The following KSR2 variants were observed in gnomAD, a reference collection of about 807,000 sequenced individuals.
The protein encoded by KSR2 is kinase suppressor of ras 2.
In KSR2, 25 loss-of-function variants were observed where a neutral mutation model predicts 107.8. The observed-to-expected ratio is 0.23, with a 90% CI of 0.17 to 0.32. KSR2 has a LOEUF of 0.32. KSR2 is among the 10% of genes least tolerant of loss of function. KSR2 has a pLI of 1.00. For missense variants in KSR2, 887 were observed against 1,268.9 expected, an observed-to-expected ratio of 0.70 and a Z score of 4.57; for synonymous variants, 480 against 507.0, an observed-to-expected ratio of 0.95 and a Z score of 0.71.
intron 14 of KSR2, among the ~76,000 whole-genome samples, chr12:117,500,660 A>G (rs781126479): frequency 6.6e-6 from 1 of 152,214 alleles, no homozygotes; most frequent in Non-Finnish European, 1.5e-5. Context: ...CAAGGGAATC[A>G]AAGTTTCCCA....
At chr12:117,670,437 GCC>G (rs1884858511) in intron 4 of KSR2, among the ~76,000 whole-genome samples, 1 of 152,200 alleles carries the variant, frequency 6.6e-6, no homozygotes, top group African/African-American at 2.4e-5. Flanking sequence ...GGTGGTGCCA[GCC>G]CTGAAACCAG....
intron 5 of KSR2, among the ~76,000 whole-genome samples, chr12:117,660,243 A>G (rs1317051703): frequency 6.6e-6 from 1 of 152,232 alleles, no homozygotes; most frequent in Admixed American, 6.5e-5. Flanking sequence ...ATAATAAAAT[A>G]CCAAAAACTG....
At chr12:117,966,623 G>GCACACACACA (rs71099095) in intron 1 of KSR2, among the ~76,000 whole-genome samples, 11 of 143,082 alleles carry the variant, frequency 7.7e-5, no homozygotes, top group African/African-American at 1.3e-4. Flanking sequence ...ACACGCGCAC[G>GCACACACACA]CACACACACA....
chr12:117,940,032 T>G (rs1895963786), intron 1 of KSR2, among the ~76,000 whole-genome samples: 1 of 151,606 alleles, frequency 6.6e-6, no homozygotes, highest in Non-Finnish European at 1.5e-5. Context: ...CAGATGGTAA[T>G]GAGGTACTGG....
intron 14 of KSR2, among the ~76,000 whole-genome samples, chr12:117,494,249 C>T (rs1290520873): frequency 1.1e-4 from 16 of 152,246 alleles, no homozygotes; most frequent in African/African-American, 3.6e-4. Flanking sequence ...TTGCCACAGT[C>T]CTCACCACTC....
intron 14 of KSR2, among the ~76,000 whole-genome samples, chr12:117,492,545 C>A (rs1322237796): frequency 6.6e-6 from 1 of 152,214 alleles, no homozygotes; most frequent in African/African-American, 2.4e-5. Flanking sequence ...GGGGCACAGG[C>A]TCTGCCTCTA....
intron 1 of KSR2, among the ~76,000 whole-genome samples, chr12:117,946,749 A>G (rs1371757343): frequency 6.6e-6 from 1 of 152,192 alleles, no homozygotes; most frequent in African/African-American, 2.4e-5. Flanking sequence ...TAAATCTAAC[A>G]GTATATTCAA....
chr12:117,816,114 C>T (rs562006657), intron 3 of KSR2, among the ~76,000 whole-genome samples: 14 of 151,080 alleles, frequency 9.3e-5, no homozygotes, highest in African/African-American at 3.4e-4. Flanking sequence ...TGATCTTGGG[C>T]AGGAGTTTGT....
intron 14 of KSR2, among the ~76,000 whole-genome samples, chr12:117,522,592 G>T (rs1438564441): frequency 6.6e-6 from 1 of 152,210 alleles, no homozygotes; most frequent in Non-Finnish European, 1.5e-5. Context: ...CCATGTCCTT[G>T]CAGTGGGACA....
At chr12:117,492,684 TAGAC>T (rs2137158704) in intron 14 of KSR2, among the ~76,000 whole-genome samples, 1 of 152,292 alleles carries the variant, frequency 6.6e-6, no homozygotes, top group African/African-American at 2.4e-5. Context: ...ACTCTTGAGA[TAGAC>T]AGATTATCCT....
intron 3 of KSR2, among the ~76,000 whole-genome samples, chr12:117,764,524 C>T (rs995891528): frequency 5.9e-5 from 9 of 152,136 alleles, no homozygotes; most frequent in African/African-American, 2.2e-4. Context: ...TGAAAGAGAA[C>T]TGGGGCCTCC....
intron 14 of KSR2, among the ~76,000 whole-genome samples, chr12:117,508,391 C>T (rs1251872073): frequency 6.6e-6 from 1 of 152,258 alleles, no homozygotes; most frequent in East Asian, 1.9e-4. Flanking sequence ...TGGGATTGCA[C>T]GTTAGAGAGT....
chr12:117,789,112 G>A (rs1248511814), intron 3 of KSR2, among the ~76,000 whole-genome samples: 1 of 152,210 alleles, frequency 6.6e-6, no homozygotes, highest in African/African-American at 2.4e-5. Context: ...TGGAGATTAA[G>A]AACGTTCAGG....
intron 14 of KSR2, among the ~76,000 whole-genome samples, chr12:117,513,803 T>C (rs989930698): frequency 2.6e-5 from 4 of 152,212 alleles, no homozygotes; most frequent in African/African-American, 9.6e-5. Context: ...CTTATGACCT[T>C]GGGCAAAATC....
At chr12:117,597,339 A>G (rs945829692) in intron 5 of KSR2, among the ~76,000 whole-genome samples, 1 of 152,244 alleles carries the variant, frequency 6.6e-6, no homozygotes, top group Non-Finnish European at 1.5e-5. Context: ...CACCAACATA[A>G]TACTTCATAT....
chr12:117,680,075 A>T (rs550513830), intron 4 of KSR2, among the ~76,000 whole-genome samples: 1 of 152,304 alleles, frequency 6.6e-6, no homozygotes, highest in African/African-American at 2.4e-5. Flanking sequence ...CTTGTAAGAG[A>T]GCCTGCTTTA....
chr12:117,641,492 T>A (rs1321436295), intron 5 of KSR2, among the ~76,000 whole-genome samples: 2 of 152,170 alleles, frequency 1.3e-5, no homozygotes. Context: ...AGCTGTGTCA[T>A]CCCAATCTCT....
intron 1 of KSR2, among the ~76,000 whole-genome samples, chr12:117,906,310 G>C (rs549001368): frequency 7.1e-6 from 1 of 141,010 alleles, no homozygotes; most frequent in Non-Finnish European, 1.5e-5. Flanking sequence ...CCGAGATCGG[G>C]CCATTGCACT....
chr12:117,810,245 T>C (rs187745945), intron 3 of KSR2, among the ~76,000 whole-genome samples: 2 of 152,350 alleles, frequency 1.3e-5, no homozygotes, highest in Admixed American at 6.5e-5. Context: ...ACTCTATTAA[T>C]CTGCACTCTA....
Sources: gnomAD v4.1 joint callset for allele counts (sites outside exome capture counted in the v4.1 genomes callset) on GRCh38, gnomAD v4.1.1 for gene constraint, MANE v1.5 for transcripts, NCBI Gene and HGNC (gene_info 2026-07-23, HGNC 2026-07-21) for gene names.